Variants in MCRS1 observed in about 807,000 individuals in gnomAD.
MCRS1 encodes the protein microspherule protein 1, also known as 58 kDa microspherule protein.
Under a neutral mutation model 62.9 loss-of-function variants are expected in MCRS1, and 22 were observed. That is an observed-to-expected ratio of 0.35 (90% CI 0.25 to 0.50). MCRS1 has a LOEUF of 0.50. Among genes scored for constraint, MCRS1 ranks in the 20% least tolerant of loss-of-function variants. MCRS1 has a pLI of 0.98. For synonymous variants in MCRS1, 244 were observed against 233.5 expected (o/e 1.04, Z -0.41); for missense variants, 456 against 601.1 (o/e 0.76, Z 2.52).
intron 1 of MCRS1, among the ~76,000 whole-genome samples, chr12:49,567,283 T>C (rs1939112287): frequency 6.6e-6 from 1 of 151,568 alleles, no homozygotes; most frequent in African/African-American, 2.4e-5. Flanking sequence ...CCAGTCCATC[T>C]CGTTTTTTTT....
intron 8 of MCRS1, among the ~76,000 whole-genome samples, chr12:49,562,451 G>C (rs1302175216): frequency 6.6e-6 from 1 of 152,234 alleles, no homozygotes; most frequent in Non-Finnish European, 1.5e-5. Flanking sequence ...CAGATGGACT[G>C]GGTGTGAAGT....
In MCRS1 at chr12:49,564,517, C is replaced by T. The variant is rs373170781; in HGVS notation, c.521G>A (p.Arg174His). Residue 174 changes from arginine (R) to histidine (H), a missense_variant, in exon 6 of 15, where the codon CGT becomes CAT. By Grantham distance (29) the Arg-to-His change is conservative. Transcript: ENST00000343810. ...CRFTLREVQE[R>H]WYALLYDPVI... is the part of the protein sequence containing the mutation. ...AGGATCGTAGAGCAGGGCGTACCAACGCTCCTGGACCTCCCGAAGGGTGAA... is the reference window on the plus strand; with the variant it reads ...AGGATCGTAGAGCAGGGCGTACCAATGCTCCTGGACCTCCCGAAGGGTGAA... The T allele has an allele frequency of 7.4e-6, 12 of 1,613,394 alleles. No homozygotes were observed. Among genetic ancestry groups the T allele is most frequent in the East Asian group, 4.5e-5 (2 of 44,846 alleles).
At chr12:49,566,252 G>A in intron 2 of MCRS1, 37 bp from the exon 3 acceptor site, 1 of 1,597,904 alleles carries the variant, frequency 6.3e-7, no homozygotes, top group African/African-American at 1.3e-5. Context: ...GGCCTCCTAA[G>A]ATCCTAGAGC....
At chr12:49,560,892 G>A (rs560311171) in intron 8 of MCRS1, among the ~76,000 whole-genome samples, 21 of 152,244 alleles carry the variant, frequency 1.4e-4, no homozygotes, top group South Asian at 8.3e-4. Context: ...GCTGGTGGGC[G>A]CCGCCCACCT....
At chr12:49,560,910 A>T (rs1313617862) in intron 8 of MCRS1, among the ~76,000 whole-genome samples, 1 of 152,136 alleles carries the variant, frequency 6.6e-6, no homozygotes, top group African/African-American at 2.4e-5. Context: ...CCTTAAGCCA[A>T]TGTCTCTTGA....
chr12:49,563,938 G>A, intron 6 of MCRS1, among the ~76,000 whole-genome samples: 1 of 152,220 alleles, frequency 6.6e-6, no homozygotes, highest in East Asian at 1.9e-4. Context: ...CAACTTAAGT[G>A]GTACCAGGGT....
rs551799318 is a variant in MCRS1, at chr12:49,566,708, C to G, written c.10+14G>C. ...CGCCCGAGCATTTGGGGAGCTGTCC[C>G]GGCCTCATACTACCTTTGTCCATCC... On this transcript the variant is annotated intron_variant, in intron 2 of 14. Coordinates refer to ENST00000343810, the MANE Select transcript of MCRS1 (RefSeq NM_006337.5). 6.2e-7 allele frequency: 1 copy of G among 1,613,936 alleles called. No homozygotes were observed. The highest frequency in any genetic ancestry group is 1.7e-5 in the Admixed American group (1 of 60,006).
Position 49,563,514 on chromosome 12 carries a change from G to A in MCRS1, c.590C>T (p.Pro197Leu), listed in dbSNP as rs772619884. Residue 197 changes from proline to leucine, a missense_variant, in exon 7 of 15, where the codon CCA (proline) becomes CTA (leucine). By Grantham distance (98) the Pro-to-Leu change is moderately conservative (BLOSUM62 -3). Coordinates refer to ENST00000343810, the MANE Select transcript of MCRS1 (RefSeq NM_006337.5). ...LACQAMRQLH[P>L]EAIAAIQSKA... ...GCTCTGGATGGCTGCAATAGCCTCT[G>A]GGTGCAGCTGCCTCATGGCCTGACA... The A allele has an allele frequency of 1.2e-6, 2 of 1,611,582 alleles. No homozygotes were observed. The highest frequency in any genetic ancestry group is 1.1e-5 in the South Asian group (1 of 90,640).
chr12:49,558,977 A>C lies in MCRS1; in HGVS notation c.1175-7T>G. On this transcript the variant is annotated splice_region_variant and splice_polypyrimidine_tract_variant and intron_variant, in intron 13 of 14. Transcript: ENST00000343810. ...TTCTTCAGCTTGATGACACCTGTGG[A>C]AGCAGAAAGAAAGAAGGGATGATGG... 5 of 1,610,952 alleles carry C rather than the reference A, an allele frequency of 3.1e-6. No individual in the cohort carries two copies. Among genetic ancestry groups the C allele is most frequent in the Non-Finnish European group, 4.2e-6 (5 of 1,179,888 alleles).
chr12:49,565,465 A>C, intron 4 of MCRS1, 64 bp downstream of exon 4: 1 of 1,535,046 alleles, frequency 6.5e-7, no homozygotes, highest in Non-Finnish European at 8.7e-7. Context: ...GCAGCTGGCA[A>C]AGGTTCTGGG....
At position 49,559,865 on chromosome 12, in the gene MCRS1, C is replaced by A. The variant is rs1938666095; in HGVS notation, c.911-44G>T. 2 of 1,613,934 alleles carry A rather than the reference C, an allele frequency of 1.2e-6. No individual in the cohort carries two copies. The highest frequency in any genetic ancestry group is 3.3e-5 in the Admixed American group (2 of 59,998). On this transcript the variant is annotated intron_variant, in intron 10 of 14. Coordinates refer to ENST00000343810, the MANE Select transcript of MCRS1 (RefSeq NM_006337.5). This position sits in a 1 kb window ranked among gnomAD's most constrained non-coding sequence, Gnocchi z 5.2. ...GTAAGGAGGGATGCTCTGAGGCCAC[C>A]AGCACCTTGTACTGGTCCTCTTGAT...
chr12:49,559,700 T>G lies in MCRS1; in HGVS notation c.1003+29A>C. 2.5e-6 allele frequency: 4 copies of G among 1,612,126 alleles called. No homozygotes were observed. The highest frequency in any genetic ancestry group is 1.1e-5 in the South Asian group (1 of 90,980). ...GGCTGGGGCGAAGGATGCTGAAGAG[T>G]GAGCCTTCTGGTGCCCAGGCCTCCT... On this transcript the variant is annotated intron_variant, in intron 11 of 14. Transcript: ENST00000343810. The surrounding 1 kb of genome is among the most constrained non-coding windows in gnomAD (Gnocchi z 5.2).
At chr12:49,558,800 G>A (rs201738757) in intron 14 of MCRS1, 43 bp downstream of exon 14, 41 of 1,613,282 alleles carry the variant, frequency 2.5e-5, no homozygotes, top group African/African-American at 8.0e-5. Context: ...GGCTCACCAC[G>A]CCTAGGTCTC....
At chr12:49,566,034 C>T (rs1234322509) in intron 3 of MCRS1, 43 bp downstream of exon 3, 6 of 1,596,518 alleles carry the variant, frequency 3.8e-6, no homozygotes, top group African/African-American at 2.7e-5. Context: ...CGCCACAGAC[C>T]TTCTACCCTT....
At position 49,564,488 on chromosome 12, in the gene MCRS1, T is replaced by C. The variant is rs776215928; in HGVS notation, c.550A>G (p.Ile184Val). 3 of 1,612,434 alleles carry C rather than the reference T, an allele frequency of 1.9e-6. No individual in the cohort carries two copies. Among genetic ancestry groups the C allele is most frequent in the South Asian group, 2.2e-5 (2 of 90,774 alleles). ...RWYALLYDPV[I>V]SKLACQAMRQ... ...GAACCAGCTCCCACTCACTTGGAGA[T>C]GACAGGATCGTAGAGCAGGGCGTAC... The change falls in exon 6 of 15, where the codon ATC becomes GTC. Residue 184 changes from isoleucine to valine, a missense_variant. Physicochemically the swap from Ile to Val is conservative, Grantham distance 29. This residue lies in a region of MCRS1 where 393 missense variants were observed against 523.5 expected (regional missense o/e 0.75). Transcript: ENST00000343810.
chr12:49,559,484 C>G lies in MCRS1; in HGVS notation c.1055G>C (p.Arg352Pro). Residue 352 changes from arginine (R) to proline (P), a missense_variant, in exon 12 of 15, where the codon CGC becomes CCC. Transcript: ENST00000343810. This position sits in a 1 kb window ranked among gnomAD's most constrained non-coding sequence, Gnocchi z 5.2. Reference sequence around the variant, plus strand: ...CGAGCGCATCAGGTACCGCACCATGCGGCCCCGCAGCACTGCCAGTGTCTG... The same window carrying G: ...CGAGCGCATCAGGTACCGCACCATGGGGCCCCGCAGCACTGCCAGTGTCTG... ...DNQTLAVLRGRMVRYLMRSRE... is the reference protein window; with the variant it reads ...DNQTLAVLRGPMVRYLMRSRE... The G allele has an allele frequency of 6.2e-7, 1 of 1,613,086 alleles. No homozygotes were observed. Among genetic ancestry groups the G allele is most frequent in the Non-Finnish European group, 8.5e-7 (1 of 1,180,042 alleles).
In MCRS1 at chr12:49,564,797, G is replaced by A. The variant is rs1481614147; in HGVS notation, c.387C>T (p.Thr129=). The change falls in exon 5 of 15, where the codon ACC becomes ACT. Residue 129 remains threonine (T), a synonymous_variant. Transcript: ENST00000343810. ...CAGGCTTCCAGCGGCCCAGATCCTT[G>A]GTCACCTGAAGTGGCTGTTTACTCT... ...VKKSKQPLQV[T]KDLGRWKPAD... The A allele has an allele frequency of 1.9e-6, 3 of 1,614,090 alleles. 1 individual carries two copies. Among genetic ancestry groups the A allele is most frequent in the South Asian group, 2.2e-5 (2 of 91,078 alleles).
chr12:49,566,662 G>A, intron 2 of MCRS1, 60 bp downstream of exon 2: 2 of 1,611,124 alleles, frequency 1.2e-6, no homozygotes, highest in Non-Finnish European at 1.7e-6. Context: ...CAGGCACAGA[G>A]TGGAATCAGC....
At position 49,559,862 on chromosome 12, in the gene MCRS1, C is replaced by T. The variant is rs200488680; in HGVS notation, c.911-41G>A. The T allele has an allele frequency of 1.9e-6, 3 of 1,613,554 alleles. No individual in the cohort carries two copies. Among genetic ancestry groups the T allele is most frequent in the African/African-American group, 2.7e-5 (2 of 75,038 alleles). On this transcript the variant is annotated intron_variant, in intron 10 of 14. Coordinates refer to ENST00000343810, the MANE Select transcript of MCRS1 (RefSeq NM_006337.5). This position sits in a 1 kb window ranked among gnomAD's most constrained non-coding sequence, Gnocchi z 5.2. ...GTGGTAAGGAGGGATGCTCTGAGGC[C>T]ACCAGCACCTTGTACTGGTCCTCTT...
Sources: allele counts gnomAD v4.1 joint callset (sites outside exome capture counted in the v4.1 genomes callset), GRCh38; gene constraint gnomAD v4.1.1; regional missense constraint gnomAD v4.1.1; non-coding constraint Gnocchi (gnomAD v3.1); transcripts MANE v1.5; gene names NCBI Gene and HGNC (gene_info 2026-07-23, HGNC 2026-07-21).